TMOD1: variants seen among roughly 807,000 people sequenced by gnomAD.
The protein encoded by TMOD1 is tropomodulin-1.
In TMOD1, 17 loss-of-function variants were observed where a neutral mutation model predicts 40.6. The observed-to-expected ratio is 0.42, with a 90% CI of 0.29 to 0.63. The LOEUF (loss-of-function observed/expected upper bound fraction) is 0.63, where lower values mean the gene tolerates loss of function less well. TMOD1 is among the 20% of genes least tolerant of loss of function. The pLI is 0.22. For missense variants in TMOD1, 391 were observed against 447.6 expected (o/e 0.87, Z 1.14); for synonymous variants, 181 against 175.0 (o/e 1.03, Z -0.27).
intron 8 of TMOD1, among the ~76,000 whole-genome samples, chr9:97,571,656 C>G (rs1025046116): frequency 1.3e-5 from 2 of 152,206 alleles, no homozygotes; most frequent in African/African-American, 4.8e-5. Flanking sequence ...AAACGGAGTG[C>G]CAGGCAGGCT....
At position 97,502,975 on chromosome 9, in the gene TMOD1, C is replaced by T. The variant is rs1369074227; in HGVS notation, c.-49+1172C>T. Among the ~76,000 whole-genome samples, 2 of 152,170 alleles carry T rather than the reference C, an allele frequency of 1.3e-5. No individual in the cohort carries two copies. Among genetic ancestry groups the T allele is most frequent in the Non-Finnish European group, 2.9e-5 (2 of 68,040 alleles). On this transcript the variant is annotated intron_variant, in intron 1 of 9. Transcript: ENST00000259365. The surrounding 1 kb of genome is among the most constrained non-coding windows in gnomAD (Gnocchi z 6.1). ...CTTCACCCACCGCTACTATTACAGA[C>T]CCTGTCTCCAGCCCTCGCCCTATGC...
At chr9:97,573,907 G>C (rs1830863402) in intron 8 of TMOD1, among the ~76,000 whole-genome samples, 1 of 152,210 alleles carries the variant, frequency 6.6e-6, no homozygotes, top group South Asian at 2.1e-4. Context: ...CCACACTCAA[G>C]GGGAGAGAAA....
rs754399151 is a variant in TMOD1, at chr9:97,546,217, G to A, written c.153G>A (p.Lys51=). 1.9e-6 allele frequency: 3 copies of A among 1,613,612 alleles called. No individual in the cohort carries two copies. The highest frequency in any genetic ancestry group is 2.7e-5 in the African/African-American group (2 of 74,860). The change falls in exon 3 of 10, where the codon AAG becomes AAA. Residue 51 remains lysine (K), a synonymous_variant. Coordinates refer to ENST00000259365, the MANE Select transcript of TMOD1 (RefSeq NM_003275.4). ...NALLPAGLRQ[K]DQTTKAPTGP... is the part of the protein sequence containing the mutation. ...TGCTGCCTGCAGGCCTGAGGCAGAA[G>A]GATCAGACCACCAAGGCGCCCACGG...
At chr9:97,504,618 T>TA (rs1829561911) in intron 1 of TMOD1, among the ~76,000 whole-genome samples, 1 of 151,892 alleles carries the variant, frequency 6.6e-6, no homozygotes, top group African/African-American at 2.4e-5. Flanking sequence ...CAAAAAAAGG[T>TA]AAAACGAAGC....
rs1371760996 is a variant in TMOD1 at position 97,554,844 on chromosome 9, G to A, written c.397+1444G>A. Among the ~76,000 whole-genome samples, 5 of 152,286 alleles carry A rather than the reference G, an allele frequency of 3.3e-5. No individual in the cohort carries two copies. In the East Asian group the frequency reaches 9.7e-4, roughly 29 times the overall value. On this transcript the variant is annotated intron_variant, in intron 4 of 9. Transcript: ENST00000259365. ...ACTTTGGTGACATTCGTTCAGGGGT[G>A]GGGGAGCCACTGGGGGATGTGCAGG...
intron 8 of TMOD1, among the ~76,000 whole-genome samples, chr9:97,576,962 G>C (rs973873754): frequency 6.6e-6 from 1 of 152,128 alleles, no homozygotes; most frequent in African/African-American, 2.4e-5. Context: ...TCTACGGAAG[G>C]GGGTGGGACT....
intron 3 of TMOD1, among the ~76,000 whole-genome samples, chr9:97,550,225 C>CT (rs1449455702): frequency 6.6e-6 from 1 of 152,170 alleles, no homozygotes; most frequent in Non-Finnish European, 1.5e-5. Context: ...TGCTTTATTC[C>CT]TTTTTATACC....
chr9:97,562,633 A>G (rs1312618958), intron 4 of TMOD1, 99 bp from the exon 5 acceptor site: 2 of 803,510 alleles, frequency 2.5e-6, no homozygotes, highest in Non-Finnish European at 3.8e-6. Context: ...GTTTCTTGCC[A>G]TTTCTGTGAG....
At chr9:97,577,876 A>G (rs954730191) in intron 8 of TMOD1, among the ~76,000 whole-genome samples, 4 of 152,364 alleles carry the variant, frequency 2.6e-5, no homozygotes, top group Middle Eastern at 3.4e-3. Flanking sequence ...TAGCTTTTGT[A>G]AAATGTTTAT....
At chr9:97,520,433 C>A (rs1829896558) in intron 1 of TMOD1, among the ~76,000 whole-genome samples, 1 of 152,164 alleles carries the variant, frequency 6.6e-6, no homozygotes, top group African/African-American at 2.4e-5. Flanking sequence ...ACTGTTTTCG[C>A]CTCCCTCCCA....
At chr9:97,532,364 C>T (rs1031860370) in intron 2 of TMOD1, among the ~76,000 whole-genome samples, 5 of 151,928 alleles carry the variant, frequency 3.3e-5, no homozygotes, top group African/African-American at 1.2e-4. Context: ...GACCTGGAAC[C>T]CCTCACTTCC....
rs1383489192 is a variant in TMOD1 at position 97,591,301 on chromosome 9, TG to T, written c.884del (p.Gly295AlafsTer9). The T allele has an allele frequency of 6.2e-7, 1 of 1,613,940 alleles. No individual in the cohort carries two copies. Among genetic ancestry groups the T allele is most frequent in the South Asian group, 1.1e-5 (1 of 90,996 alleles). ...EMKIDNQSQP[L>X]GNKVEMEIVS... is the part of the protein sequence containing the mutation. ...TTTTCTTGACTAAAGAGCCAGCCCC[TG>T]GGCAACAAAGTGGAAATGGAGATTG... On this transcript the variant is annotated frameshift_variant, in exon 9 of 10. Transcript: ENST00000259365. LOFTEE classifies it high-confidence loss of function.
At chr9:97,517,063 G>A (rs1829821722) in intron 1 of TMOD1, among the ~76,000 whole-genome samples, 1 of 152,070 alleles carries the variant, frequency 6.6e-6, no homozygotes, top group Non-Finnish European at 1.5e-5. Context: ...GTGGGGAGGA[G>A]AGGCCAGACA....
intron 1 of TMOD1, among the ~76,000 whole-genome samples, chr9:97,511,070 GCACACACACACACAGACACACA>G (rs1158589479): frequency 6.8e-6 from 1 of 147,218 alleles, no homozygotes; most frequent in Non-Finnish European, 1.5e-5. Context: ...ACCCGCGCGC[GCACACACACACACAGACACACA>G]CACACACACA....
At chr9:97,591,232 T>C (rs2131292289) in intron 8 of TMOD1, 59 bp from the exon 9 acceptor site, 1 of 1,519,296 alleles carries the variant, frequency 6.6e-7, no homozygotes, top group Non-Finnish European at 8.8e-7. Flanking sequence ...GTTTAGGCAC[T>C]GTACACATGG....
At position 97,601,280 on chromosome 9, in the gene TMOD1, C is replaced by T. The variant is rs750949440; in HGVS notation, c.*1582C>T. On this transcript the variant is annotated 3_prime_UTR_variant, in exon 10 of 10. Transcript: ENST00000259365. ...TGGCTGCGTATGTGTTTCTTGGAAC[C>T]TGTGTGACAGGGACATGTGCCTGGC... 11 of 1,195,286 alleles carry T rather than the reference C, an allele frequency of 9.2e-6. No individual in the cohort carries two copies. Among genetic ancestry groups the T allele is most frequent in the Non-Finnish European group, 1.2e-5 (11 of 935,242 alleles). 74.0% of individuals were successfully genotyped at this position (1,195,286 alleles called of 1,614,324 possible). A position where few individuals can be genotyped will look rare whatever the true frequency, so the allele number is the denominator to read the frequency against.
At position 97,568,926 on chromosome 9, in the gene TMOD1, G is replaced by T. The variant is rs758867961; in HGVS notation, c.759G>T (p.Val253=). The change falls in exon 8 of 10, where the codon GTG becomes GTT. Residue 253 remains valine (V), a synonymous_variant. Coordinates refer to ENST00000259365, the MANE Select transcript of TMOD1 (RefSeq NM_003275.4). ...CTGAGATGCTCAAGGAGAACAAGGT[G>T]TTGAAGACACTGAATGTGGAATCCA... ...ALAEMLKENK[V]LKTLNVESNF... is the part of the protein sequence containing the mutation. The T allele has an allele frequency of 5.6e-6, 9 of 1,614,204 alleles. No individual in the cohort carries two copies. The highest frequency in any genetic ancestry group is 7.6e-6 in the Non-Finnish European group (9 of 1,180,030).
chr9:97,584,309 T>C (rs1312319462), intron 8 of TMOD1, among the ~76,000 whole-genome samples: 1 of 152,136 alleles, frequency 6.6e-6, no homozygotes, highest in East Asian at 1.9e-4. Flanking sequence ...AGTTGAGCAG[T>C]TTTGAGTGAG....
intron 8 of TMOD1, among the ~76,000 whole-genome samples, chr9:97,584,649 G>A (rs1450758897): frequency 6.6e-6 from 1 of 152,148 alleles, no homozygotes; most frequent in Non-Finnish European, 1.5e-5. Context: ...TCTCTCTGTA[G>A]GTCACTCAGG....
Sources: allele counts gnomAD v4.1 joint callset (sites outside exome capture counted in the v4.1 genomes callset), GRCh38; gene constraint gnomAD v4.1.1; non-coding constraint Gnocchi (gnomAD v3.1); transcripts MANE v1.5; gene names NCBI Gene and HGNC (gene_info 2026-07-23, HGNC 2026-07-21).